The following SNAPC1 variants were observed in gnomAD, a reference collection of about 807,000 sequenced individuals.
SNAPC1 encodes the protein small nuclear RNA activating complex polypeptide 1, also known as snRNA-activating protein complex subunit 1.
In SNAPC1, 42 loss-of-function variants were observed where a neutral mutation model predicts 50.1. That is an observed-to-expected ratio of 0.84 (90% CI 0.65 to 1.08). The LOEUF (loss-of-function observed/expected upper bound fraction) is 1.08. Among genes scored for constraint, SNAPC1 ranks in the 50% least tolerant of loss-of-function variants. The pLI is 0.00. For synonymous variants in SNAPC1, 164 were observed against 144.2 expected (o/e 1.14, Z -0.98); for missense variants, 477 against 427.3 (o/e 1.12, Z -1.02).
Position 61,776,214 on chromosome 14 carries a change from C to T in SNAPC1, c.654C>T (p.Asn218=). The change falls in exon 5 of 10, where the codon AAC becomes AAT. Residue 218 remains asparagine, a synonymous_variant. Coordinates refer to ENST00000216294, the MANE Select transcript of SNAPC1 (RefSeq NM_003082.4). ...IKDDFFDNIK[N]IVLEHQQWHK... is the part of the protein sequence containing the mutation. ...ATGATTTTTTTGACAATATTAAGAA[C>T]ATAGTTTTGGAGCATCAGCAGTGGC... is the stretch of plus-strand genomic sequence containing the variant. 1 of 1,613,090 alleles carries T rather than the reference C, an allele frequency of 6.2e-7. No individual in the cohort carries two copies. Among genetic ancestry groups the T allele is most frequent in the Non-Finnish European group, 8.5e-7 (1 of 1,179,602 alleles).
chr14:61,795,075 A>G lies in SNAPC1; in HGVS notation c.*92A>G. The G allele has an allele frequency of 1.3e-6, 1 of 776,360 alleles. No homozygotes were observed. Among genetic ancestry groups the G allele is most frequent in the Non-Finnish European group, 2.1e-6 (1 of 485,346 alleles). The allele number at this position is 776,360 out of a possible 1,614,324, so 48.1% of individuals were successfully genotyped here. ...ATTGAACAGGAAGACTGCCAGTATT[A>G]AAAAAATCCTTCTGGGAATCTGTAG... On this transcript the variant is annotated 3_prime_UTR_variant, in exon 10 of 10. Coordinates refer to ENST00000216294, the MANE Select transcript of SNAPC1 (RefSeq NM_003082.4).
Position 61,774,648 on chromosome 14 carries a change from A to ATTTCTTTTT in SNAPC1, c.535-1444_535-1443insCTTTTTTTT, listed in dbSNP as rs1172798543. 8.1e-3 allele frequency among the ~76,000 whole-genome samples: 733 copies of ATTTCTTTTT among 90,886 alleles called. 71 individuals carry two copies. Among genetic ancestry groups the ATTTCTTTTT allele is most frequent in the Non-Finnish European group, 0.011 (490 of 43,884 alleles). 59.6% of individuals were successfully genotyped at this position (90,886 alleles called of 152,430 possible). A position where few individuals can be genotyped will look rare whatever the true frequency, so the allele number is the denominator to read the frequency against. On this transcript the variant is annotated intron_variant, in intron 4 of 9. Coordinates refer to ENST00000216294, the MANE Select transcript of SNAPC1 (RefSeq NM_003082.4). ...ACTCACCACTATTGATCAGTTTCTC[A>ATTTCTTTTT]TTTTTTTTTTTTTTTTTTTTTTTTT...
chr14:61,763,842 AATAGAGGCAATG>A (rs1441672710), intron 1 of SNAPC1, among the ~76,000 whole-genome samples: 1 of 152,224 alleles, frequency 6.6e-6, no homozygotes, highest in Non-Finnish European at 1.5e-5. Flanking sequence ...ATATCTGTAA[AATAGAGGCAATG>A]ATAAACCTCA....
chr14:61,773,353 A>G (rs532763242), intron 4 of SNAPC1, among the ~76,000 whole-genome samples: 3 of 150,574 alleles, frequency 2.0e-5, no homozygotes, highest in Admixed American at 6.6e-5. Flanking sequence ...ATGTTATCTC[A>G]CTAATTATCA....
At position 61,776,216 on chromosome 14, in the gene SNAPC1, T is replaced by A. The variant is rs1336327114; in HGVS notation, c.656T>A (p.Ile219Lys). Residue 219 changes from isoleucine to lysine, a missense_variant, in exon 5 of 10, where the codon ATA becomes AAA. By Grantham distance (102) the Ile-to-Lys change is moderately radical. Transcript: ENST00000216294. ...GATTTTTTTGACAATATTAAGAACA[T>A]AGTTTTGGAGCATCAGCAGTGGCAC... ...KDDFFDNIKN[I>K]VLEHQQWHKD... The A allele has an allele frequency of 1.2e-6, 2 of 1,613,166 alleles. No homozygotes were observed. Among genetic ancestry groups the A allele is most frequent in the Non-Finnish European group, 1.7e-6 (2 of 1,179,616 alleles).
rs111932836 is a variant in SNAPC1 at position 61,774,189 on chromosome 14, T to TG, written c.535-1901dup. ...TCTTTTTTTTTTTTTTTTTTAAAGG[T>TG]GGGGGTCTTGCTGTGTTGCCTGAGT... is the stretch of plus-strand genomic sequence containing the variant. On this transcript the variant is annotated intron_variant, in intron 4 of 9. Transcript: ENST00000216294. Among the ~76,000 whole-genome samples, 1,270 of 139,858 alleles carry TG rather than the reference T, an allele frequency of 9.1e-3. 7 individuals carry two copies. Among genetic ancestry groups the TG allele is most frequent in the Middle Eastern group, 0.033 (9 of 270 alleles). The allele number at this position is 139,858 out of a possible 152,430, so 91.8% of individuals were successfully genotyped here. A position where few individuals can be genotyped will look rare whatever the true frequency, so the allele number is the denominator to read the frequency against.
At chr14:61,777,163 T>C (rs1431272648) in intron 5 of SNAPC1, among the ~76,000 whole-genome samples, 3 of 152,206 alleles carry the variant, frequency 2.0e-5, no homozygotes, top group Non-Finnish European at 1.5e-5. Context: ...TTTCACTTTC[T>C]GTTATATAAA....
chr14:61,794,610 A>G (rs1370291619), intron 9 of SNAPC1, among the ~76,000 whole-genome samples: 3 of 152,236 alleles, frequency 2.0e-5, no homozygotes, highest in East Asian at 1.9e-4. Flanking sequence ...GGGTTTCACC[A>G]TGTTAGCCAG....
rs562865761 is a variant in SNAPC1, at chr14:61,767,987, T to C, written c.429+635T>C. Among the ~76,000 whole-genome samples, 295 of 152,276 alleles carry C rather than the reference T, an allele frequency of 1.9e-3. 3 individuals are homozygous for C. The highest frequency in any genetic ancestry group is 6.6e-3 in the African/African-American group (276 of 41,562). ...TAGAGATGGGGTTTCACCATATTGGTCAGGCTGGTCTTGAACTCCTGACCT... is the reference window on the plus strand; with the variant it reads ...TAGAGATGGGGTTTCACCATATTGGCCAGGCTGGTCTTGAACTCCTGACCT... On this transcript the variant is annotated intron_variant, in intron 3 of 9. Transcript: ENST00000216294.
chr14:61,764,223 A>G (rs1357190479), intron 1 of SNAPC1, among the ~76,000 whole-genome samples: 1 of 152,240 alleles, frequency 6.6e-6, no homozygotes, highest in Non-Finnish European at 1.5e-5. Context: ...CAGTGACTGG[A>G]TGAATCTATT....
rs768408115 is a variant in SNAPC1 at position 61,762,553 on chromosome 14, G to A, written c.93G>A (p.Glu31=). 1.3e-6 allele frequency: 2 copies of A among 1,518,158 alleles called. No homozygotes were observed. The highest frequency in any genetic ancestry group is 2.5e-5 in the South Asian group (2 of 79,420). 94.0% of individuals were successfully genotyped at this position (1,518,158 alleles called of 1,614,324 possible). The change falls in exon 1 of 10, where the codon GAG becomes GAA. Residue 31 remains glutamate (E), a synonymous_variant. Coordinates refer to ENST00000216294, the MANE Select transcript of SNAPC1 (RefSeq NM_003082.4). ...TDSVRFEDFT[E]LWRNMKFGTI... ...GTGTACGCTTCGAGGACTTCACGGAGCTCTGGAGAAACATGAAGTTCGGGA... is the reference window on the plus strand; with the variant it reads ...GTGTACGCTTCGAGGACTTCACGGAACTCTGGAGAAACATGAAGTTCGGGA...
intron 3 of SNAPC1, among the ~76,000 whole-genome samples, chr14:61,767,699 T>C (rs1385179649): frequency 6.6e-6 from 1 of 152,168 alleles, no homozygotes; most frequent in Non-Finnish European, 1.5e-5. Context: ...CTTGACCTCG[T>C]GATCCACTCA....
intron 4 of SNAPC1, among the ~76,000 whole-genome samples, chr14:61,771,951 G>C (rs1334876242): frequency 6.6e-6 from 1 of 152,182 alleles, no homozygotes; most frequent in Non-Finnish European, 1.5e-5. Context: ...GTGGAGAATG[G>C]AAGAAAGATT....
intron 6 of SNAPC1, 120 bp downstream of exon 6, chr14:61,778,260 A>G (rs2045048960): frequency 1.7e-6 from 1 of 582,488 alleles, no homozygotes; most frequent in African/African-American, 2.0e-5. Flanking sequence ...TTCTGTGAAA[A>G]GGTAGTTTGT....
chr14:61,765,112 C>CTATA (rs1372377606), intron 1 of SNAPC1, among the ~76,000 whole-genome samples: 4 of 152,140 alleles, frequency 2.6e-5, no homozygotes, highest in African/African-American at 9.7e-5. Context: ...ACATAGAAAC[C>CTATA]TATAATATGC....
intron 1 of SNAPC1, among the ~76,000 whole-genome samples, chr14:61,762,930 G>C (rs1408540808): frequency 7.2e-6 from 1 of 139,104 alleles, no homozygotes; most frequent in East Asian, 2.3e-4. Context: ...CACAAGCAAA[G>C]ACAAAACCCT....
chr14:61,768,586 C>T, intron 3 of SNAPC1, 50 bp from the exon 4 acceptor site: 2 of 988,144 alleles, frequency 2.0e-6, no homozygotes, highest in Non-Finnish European at 3.2e-6. Context: ...ATACTTTTAA[C>T]AATACTGTTT....
intron 1 of SNAPC1, among the ~76,000 whole-genome samples, chr14:61,764,871 T>G (rs2044935259): frequency 6.6e-6 from 1 of 152,206 alleles, no homozygotes. Context: ...CAAAATGTCC[T>G]CCTACTACCC....
intron 7 of SNAPC1, 142 bp from the exon 8 acceptor site, chr14:61,782,105 C>G: frequency 3.4e-6 from 2 of 595,422 alleles, no homozygotes; most frequent in South Asian, 5.8e-5. Context: ...AGTAAGCCAG[C>G]CAGGGGTAAT....
Sources: gnomAD v4.1 joint callset for allele counts (sites outside exome capture counted in the v4.1 genomes callset) on GRCh38, gnomAD v4.1.1 for gene constraint, MANE v1.5 for transcripts, NCBI Gene and HGNC (gene_info 2026-07-23, HGNC 2026-07-21) for gene names.